The following TENM2 variants were observed in gnomAD, a reference collection of about 807,000 sequenced individuals.
TENM2 encodes teneurin-2.
A neutral mutation model predicts 245.2 loss-of-function variants in TENM2; 52 were observed. That is an observed-to-expected ratio of 0.21 (90% CI 0.17 to 0.27). The LOEUF (loss-of-function observed/expected upper bound fraction) is 0.27. Among genes scored for constraint, TENM2 ranks in the 10% least tolerant of loss-of-function variants. TENM2 has a pLI of 1.00. For missense variants in TENM2, 3,046 were observed against 3,666.8 expected (o/e 0.83, Z 4.37); for synonymous variants, 1,363 against 1,438.9 (o/e 0.95, Z 1.19).
intron 1 of TENM2, among the ~76,000 whole-genome samples, chr5:167,346,000 C>T (rs139204505): frequency 2.8e-4 from 42 of 151,614 alleles, no homozygotes; most frequent in Middle Eastern, 3.5e-3. Context: ...GCAGTAAATA[C>T]GACCTAAGGA....
intron 2 of TENM2, among the ~76,000 whole-genome samples, chr5:167,580,084 T>C (rs1481362375): frequency 6.6e-6 from 1 of 152,220 alleles, no homozygotes; most frequent in Non-Finnish European, 1.5e-5. Context: ...TAATTGCCTA[T>C]AGAGTACGGT....
At chr5:167,155,660 C>T in the TENM2 span, among the ~76,000 whole-genome samples, 3 of 152,154 alleles carry the variant, frequency 2.0e-5, no homozygotes, top group African/African-American at 7.2e-5. Flanking sequence ...TAGGAGGTTT[C>T]CCCAATTAAG....
In TENM2 at chr5:167,517,535, A is replaced by G. The variant is rs995686795; in HGVS notation, c.502+142062A>G. On this transcript the variant is annotated intron_variant, in intron 2 of 28. Coordinates refer to ENST00000518659, the Ensembl canonical transcript of TENM2. ...AACTGCTATAGTTTTCAGCGCTAAT[A>G]GAGGACATACTGCAAGTTGATTATT... Among the ~76,000 whole-genome samples the G allele has an allele frequency of 3.3e-5, 5 of 152,138 alleles. No homozygotes were observed. In the South Asian group the frequency reaches 1.0e-3, roughly 31 times the overall value.
chr5:167,884,708 T>A (rs966633810), intron 3 of TENM2, among the ~76,000 whole-genome samples: 4 of 152,236 alleles, frequency 2.6e-5, no homozygotes, highest in Admixed American at 1.3e-4. Context: ...ATAATGCTGC[T>A]AGGAATATTG....
At chr5:167,589,429 T>C (rs1240544208) in intron 2 of TENM2, among the ~76,000 whole-genome samples, 1 of 152,156 alleles carries the variant, frequency 6.6e-6, no homozygotes, top group African/African-American at 2.4e-5. Flanking sequence ...AGAATTCAAA[T>C]ATAAGTGTGA....
chr5:166,986,229 A>G, the TENM2 span, among the ~76,000 whole-genome samples: 3 of 152,194 alleles, frequency 2.0e-5, no homozygotes, highest in Admixed American at 6.6e-5. Context: ...ATTAAAATAG[A>G]TTTTGTGTTT....
At chr5:167,941,362 C>T (rs1356459100) in intron 3 of TENM2, among the ~76,000 whole-genome samples, 1 of 152,192 alleles carries the variant, frequency 6.6e-6, no homozygotes, top group Non-Finnish European at 1.5e-5. Flanking sequence ...AGGCACTTCA[C>T]ATTGTCCACC....
chr5:167,073,591 C>T, the TENM2 span, among the ~76,000 whole-genome samples: 1 of 152,116 alleles, frequency 6.6e-6, no homozygotes, highest in African/African-American at 2.4e-5. Context: ...ATTCTTCAGT[C>T]GCATATCTGC....
intron 2 of TENM2, among the ~76,000 whole-genome samples, chr5:167,718,217 C>A (rs550162101): frequency 2.6e-5 from 4 of 152,278 alleles, no homozygotes; most frequent in Admixed American, 2.6e-4. Flanking sequence ...TTTTCCATGT[C>A]TTCCTAATTG....
rs563804450 is a variant in TENM2 at position 167,986,028 on chromosome 5, T to C, written c.948-6916T>C. 1.1e-3 allele frequency among the ~76,000 whole-genome samples: 171 copies of C among 152,310 alleles called. 1 individual carries two copies. Among genetic ancestry groups the C allele is most frequent in the African/African-American group, 3.8e-3 (157 of 41,580 alleles). Reference sequence around the variant, plus strand: ...TGAATTGGTGGGGGCTCTTGTTGCATGGATGTTATGAATGAGGTTTTTTTG... The same window carrying C: ...TGAATTGGTGGGGGCTCTTGTTGCACGGATGTTATGAATGAGGTTTTTTTG... On this transcript the variant is annotated intron_variant, in intron 4 of 28. Coordinates refer to ENST00000518659, the Ensembl canonical transcript of TENM2.
Position 167,556,732 on chromosome 5 carries a change from G to A in TENM2, c.502+181259G>A, listed in dbSNP as rs562028768. Among the ~76,000 whole-genome samples, 6 of 152,216 alleles carry A rather than the reference G, an allele frequency of 3.9e-5. No homozygotes were observed. In the South Asian group the frequency reaches 1.0e-3, roughly 26 times the overall value. ...TTCAGTCTGTGTCAATGCTTTTGATGTATACTGGCTGCCTAGGACATTGGG... is the reference window on the plus strand; with the variant it reads ...TTCAGTCTGTGTCAATGCTTTTGATATATACTGGCTGCCTAGGACATTGGG... On this transcript the variant is annotated intron_variant, in intron 2 of 28. Transcript: ENST00000518659.
At chr5:167,143,732 T>G in the TENM2 span, among the ~76,000 whole-genome samples, 1 of 152,188 alleles carries the variant, frequency 6.6e-6, no homozygotes, top group Non-Finnish European at 1.5e-5. Flanking sequence ...GAGTAACTTG[T>G]GCAGCTGATG....
chr5:167,602,780 A>T (rs569944579), intron 2 of TENM2, among the ~76,000 whole-genome samples: 21 of 152,316 alleles, frequency 1.4e-4, no homozygotes, highest in African/African-American at 4.8e-4. Context: ...CAGGCAGTGG[A>T]GCATGGAAGG....
intron 13 of TENM2, among the ~76,000 whole-genome samples, chr5:168,168,766 C>A (rs1040519739): frequency 4.0e-5 from 6 of 151,682 alleles, no homozygotes; most frequent in African/African-American, 1.5e-4. Context: ...AGAAGTTCTC[C>A]ATTCTTGGGT....
intron 19 of TENM2, among the ~76,000 whole-genome samples, chr5:168,208,331 A>G (rs1762531502): frequency 1.3e-5 from 2 of 152,102 alleles, no homozygotes; most frequent in South Asian, 4.1e-4. Context: ...GCTTTTTTCC[A>G]ACTAAACCGC....
At chr5:167,936,511 C>G (rs748034297) in intron 3 of TENM2, among the ~76,000 whole-genome samples, 46 of 152,200 alleles carry the variant, frequency 3.0e-4, no homozygotes, top group Non-Finnish European at 5.4e-4. Context: ...CTGCCTTTCT[C>G]CCTTGTTACA....
chr5:167,714,235 A>G (rs1759102401), intron 2 of TENM2, among the ~76,000 whole-genome samples: 1 of 152,134 alleles, frequency 6.6e-6, no homozygotes, highest in Non-Finnish European at 1.5e-5. Context: ...CTTGATTTTC[A>G]TGTTCTAGCA....
intron 2 of TENM2, among the ~76,000 whole-genome samples, chr5:167,744,366 C>T (rs948650354): frequency 1.3e-5 from 2 of 152,134 alleles, no homozygotes; most frequent in Non-Finnish European, 2.9e-5. Flanking sequence ...GGAACAGGAA[C>T]AGTGCCTCTC....
chr5:167,853,380 T>C (rs1770787390), intron 2 of TENM2, among the ~76,000 whole-genome samples: 1 of 151,330 alleles, frequency 6.6e-6, no homozygotes, highest in African/African-American at 2.4e-5. Flanking sequence ...TAATGAGTTT[T>C]CAAATCGCTC....
Sources: allele counts gnomAD v4.1 joint callset (sites outside exome capture counted in the v4.1 genomes callset), GRCh38; gene constraint gnomAD v4.1.1; transcripts MANE v1.5; gene names NCBI Gene and HGNC (gene_info 2026-07-23, HGNC 2026-07-21).